The following ADGRV1 variants were observed in gnomAD, a reference collection of about 807,000 sequenced individuals.
ADGRV1 encodes the protein adhesion G protein-coupled receptor V1.
ADGRV1 carries 359 observed loss-of-function variants against 596.2 expected under a neutral mutation model. That is an observed-to-expected ratio of 0.60 (90% CI 0.55 to 0.66). The LOEUF is 0.66. Among genes scored for constraint, ADGRV1 ranks in the 30% least tolerant of loss-of-function variants. The pLI, the probability that ADGRV1 is intolerant of heterozygous loss-of-function variation, is 0.00. For missense variants in ADGRV1, 7,274 were observed against 7,575.6 expected (o/e 0.96, Z 1.48); for synonymous variants, 2,681 against 2,679.2 (o/e 1.00, Z -0.02).
At position 90,855,822 on chromosome 5, in the gene ADGRV1, G is replaced by A; in HGVS notation, c.17676G>A (p.Val5892=). 6.2e-7 allele frequency: 1 copy of A among 1,612,386 alleles called. No homozygotes were observed. The highest frequency in any genetic ancestry group is 8.5e-7 in the Non-Finnish European group (1 of 1,178,618). The stretch of plus-strand genomic sequence containing the variant: ...AATGTGCCTGTTCACACATGTCTGT[G>A]TATGCTGTCTATGCTCGGACTGACA... The part of the protein sequence containing the change: ...YVECACSHMS[V]YAVYARTDNL... The change falls in exon 82 of 90, where the codon GTG becomes GTA. Residue 5892 remains valine, a synonymous_variant. Transcript: ENST00000405460.
rs369326751 is a variant in ADGRV1, at chr5:90,948,593, C to T, written c.17857-16822C>T. ...CCATAGAAAACAAGTAGGGATGGTC[C>T]TTGACTTACAATGGGGTTACATCCC... On this transcript the variant is annotated intron_variant, in intron 83 of 89. Coordinates refer to ENST00000405460, the MANE Select transcript of ADGRV1 (RefSeq NM_032119.4). Among the ~76,000 whole-genome samples the T allele has an allele frequency of 5.3e-5, 8 of 152,044 alleles. 1 individual carries two copies. The East Asian group carries it at 9.6e-4, about 18-fold the overall frequency.
intron 66 of ADGRV1, 44 bp downstream of exon 66, chr5:90,783,369 A>G: frequency 7.8e-7 from 1 of 1,285,392 alleles, no homozygotes; most frequent in Non-Finnish European, 1.1e-6. Flanking sequence ...AGACATAAGT[A>G]TTGTGTTCAA....
At chr5:90,584,375 T>C (rs1758470439) in intron 1 of ADGRV1, among the ~76,000 whole-genome samples, 1 of 152,256 alleles carries the variant, frequency 6.6e-6, no homozygotes, top group African/African-American at 2.4e-5. Context: ...ATTTTGTTTT[T>C]AATTTTTACT....
chr5:90,579,099 G>T (rs915595833), intron 1 of ADGRV1, among the ~76,000 whole-genome samples: 1 of 151,948 alleles, frequency 6.6e-6, no homozygotes, highest in African/African-American at 2.4e-5. Context: ...TTGTGTCTCT[G>T]TCTCCTTCAG....
chr5:91,045,462 GA>G (rs1421877282), intron 85 of ADGRV1, among the ~76,000 whole-genome samples: 3 of 152,140 alleles, frequency 2.0e-5, no homozygotes, highest in African/African-American at 7.2e-5. Context: ...AACAGATGCA[GA>G]AAAAGCATTT....
At chr5:90,623,508 C>T (rs896468749) in intron 5 of ADGRV1, among the ~76,000 whole-genome samples, 1 of 152,098 alleles carries the variant, frequency 6.6e-6, no homozygotes, top group Non-Finnish European at 1.5e-5. Context: ...ACCTCCTGGG[C>T]TCATGCAGTC....
chr5:91,012,662 A>G (rs1782820766), intron 85 of ADGRV1, among the ~76,000 whole-genome samples: 1 of 152,020 alleles, frequency 6.6e-6, no homozygotes, highest in Admixed American at 6.6e-5. Context: ...CTCTTGAGAC[A>G]GGGTCCATGG....
chr5:91,090,346 A>G (rs1203800142), intron 86 of ADGRV1, among the ~76,000 whole-genome samples: 1 of 152,154 alleles, frequency 6.6e-6, no homozygotes, highest in African/African-American at 2.4e-5. Flanking sequence ...ATTCAAAATT[A>G]TATCCTGCAA....
chr5:90,799,711 G>A (rs918277021), intron 70 of ADGRV1, among the ~76,000 whole-genome samples: 2 of 152,154 alleles, frequency 1.3e-5, no homozygotes, highest in Admixed American at 1.3e-4. Flanking sequence ...AAACAGCATG[G>A]TAGTGGTACC....
intron 85 of ADGRV1, among the ~76,000 whole-genome samples, chr5:91,058,442 A>G (rs915423180): frequency 6.7e-6 from 1 of 148,462 alleles, no homozygotes; most frequent in Non-Finnish European, 1.5e-5. Flanking sequence ...CCTCTTCCAT[A>G]AAATCGTTAG....
intron 83 of ADGRV1, among the ~76,000 whole-genome samples, chr5:90,869,662 C>A (rs971336971): frequency 2.0e-5 from 3 of 152,104 alleles, no homozygotes; most frequent in South Asian, 2.1e-4. Context: ...TATTAAATTT[C>A]TGCACTTTTC....
rs187598872 is a variant in ADGRV1, at chr5:90,881,830, G to A, written c.17856+17973G>A. ...GCCTCAAATTCCTGGGCAGTCAAGC[G>A]ATCCTCCTGCCTCAGCTTCCTGAGT... On this transcript the variant is annotated intron_variant, in intron 83 of 89. Coordinates refer to ENST00000405460, the MANE Select transcript of ADGRV1 (RefSeq NM_032119.4). 2.6e-5 allele frequency among the ~76,000 whole-genome samples: 4 copies of A among 152,156 alleles called. No individual in the cohort carries two copies. In the East Asian group the frequency reaches 7.7e-4, roughly 29 times the overall value.
At chr5:91,132,029 C>G (rs1191724156) in intron 87 of ADGRV1, among the ~76,000 whole-genome samples, 1 of 152,110 alleles carries the variant, frequency 6.6e-6, no homozygotes, top group Non-Finnish European at 1.5e-5. Flanking sequence ...TCCAATTTTC[C>G]TAGCACCATT....
rs749924879 is a variant in ADGRV1 at position 90,863,818 on chromosome 5, AC to A, written c.17818del (p.Leu5940PhefsTer2). 1 of 1,613,532 alleles carries A rather than the reference AC, an allele frequency of 6.2e-7. No individual in the cohort carries two copies. The highest frequency in any genetic ancestry group is 2.2e-5 in the East Asian group (1 of 44,864). On this transcript the variant is annotated frameshift_variant, in exon 83 of 90. Transcript: ENST00000405460. LOFTEE classifies it high-confidence loss of function. The stretch of plus-strand genomic sequence containing the variant: ...CCAGGTACTCCATGTTTGCAGCTAA[AC>A]TTCTGACTCACATGATGGCAGCCAG... ...CARYSMFAAKLLTHMMAASLG... is the reference protein window; with the variant it reads ...CARYSMFAAKXLTHMMAASLG...
intron 52 of ADGRV1, among the ~76,000 whole-genome samples, chr5:90,748,838 AGAATT>A (rs1754934702): frequency 7.8e-6 from 1 of 128,668 alleles, no homozygotes; most frequent in African/African-American, 3.6e-5. Flanking sequence ...TTTTTTAACT[AGAATT>A]GAAGAGTATG....
At chr5:90,905,289 C>T (rs770819658) in intron 83 of ADGRV1, among the ~76,000 whole-genome samples, 3 of 151,796 alleles carry the variant, frequency 2.0e-5, no homozygotes, top group Admixed American at 6.6e-5. Flanking sequence ...TTGGTATTTT[C>T]GTAGGAATTG....
chr5:91,036,478 C>T (rs189328649), intron 85 of ADGRV1, among the ~76,000 whole-genome samples: 5 of 150,464 alleles, frequency 3.3e-5, no homozygotes, highest in East Asian at 4.0e-4. Context: ...AGGAGAATGG[C>T]GTGAACCCGG....
chr5:91,161,673 G>A (rs568718521), intron 89 of ADGRV1, among the ~76,000 whole-genome samples: 1 of 152,096 alleles, frequency 6.6e-6, no homozygotes, highest in African/African-American at 2.4e-5. Flanking sequence ...TAAGCATTTT[G>A]CTTTATGGCT....
intron 1 of ADGRV1, among the ~76,000 whole-genome samples, chr5:90,566,717 T>C (rs1755681392): frequency 6.6e-6 from 1 of 152,114 alleles, no homozygotes; most frequent in South Asian, 2.1e-4. Flanking sequence ...TTTATTTTTT[T>C]ATGTATGGTG....
Sources: gnomAD v4.1 joint callset for allele counts (sites outside exome capture counted in the v4.1 genomes callset) on GRCh38, gnomAD v4.1.1 for gene constraint, MANE v1.5 for transcripts, NCBI Gene and HGNC (gene_info 2026-07-23, HGNC 2026-07-21) for gene names.